Variants in GPC5 observed in about 807,000 individuals in gnomAD.
GPC5 encodes the protein glypican 5, also known as glypican-5.
A neutral mutation model predicts 53.9 loss-of-function variants in GPC5; 47 were observed. The observed-to-expected ratio is 0.87, with a 90% confidence interval of 0.69 to 1.11. The LOEUF (loss-of-function observed/expected upper bound fraction) is 1.11. Ranked by LOEUF, GPC5 falls within the 50% of genes most tolerant of loss-of-function variation. The pLI is 0.00. For missense variants in GPC5, 748 were observed against 713.1 expected, an observed-to-expected ratio of 1.05 and a Z score of -0.56; for synonymous variants, 286 against 263.3, an observed-to-expected ratio of 1.09 and a Z score of -0.84.
intron 7 of GPC5, among the ~76,000 whole-genome samples, chr13:92,259,192 C>T (rs1346959919): frequency 6.6e-6 from 1 of 152,140 alleles, no homozygotes; most frequent in East Asian, 1.9e-4. Flanking sequence ...GAACCATTTA[C>T]ACTTGTCACT....
intron 2 of GPC5, among the ~76,000 whole-genome samples, chr13:91,666,862 C>A: frequency 6.6e-6 from 1 of 151,884 alleles, no homozygotes. Context: ...ATTCCACAGC[C>A]TTTTGGAATT....
intron 7 of GPC5, among the ~76,000 whole-genome samples, chr13:92,805,852 T>C (rs190016953): frequency 6.6e-6 from 1 of 152,204 alleles, no homozygotes; most frequent in Admixed American, 6.6e-5. Context: ...TATAAAGCAC[T>C]GGCAGAGTAA....
rs375617282 is a variant in GPC5 at position 92,512,204 on chromosome 13, C to T, written c.1562-354078C>T. Among the ~76,000 whole-genome samples, 49 of 151,748 alleles carry T rather than the reference C, an allele frequency of 3.2e-4. 1 individual carries two copies. In the South Asian group the frequency reaches 9.2e-3, roughly 28 times the overall value. ...CCCTGGCAACACTTAATGATTGATCCTAGTAATTTTTTTTTATTTTGTAGA... is the reference window on the plus strand; with the variant it reads ...CCCTGGCAACACTTAATGATTGATCTTAGTAATTTTTTTTTATTTTGTAGA... On this transcript the variant is annotated intron_variant, in intron 7 of 7. Transcript: ENST00000377067.
At chr13:91,622,878 G>C (rs2033899361) in intron 2 of GPC5, among the ~76,000 whole-genome samples, 1 of 152,098 alleles carries the variant, frequency 6.6e-6, no homozygotes, top group Admixed American at 6.6e-5. Flanking sequence ...ATAGAATAAA[G>C]GTATTGCAGA....
In GPC5 at chr13:92,736,807, A is replaced by ATT. The variant is rs11425108; in HGVS notation, c.1562-129466_1562-129465dup. 2.5e-3 allele frequency among the ~76,000 whole-genome samples: 370 copies of ATT among 148,938 alleles called. 1 individual carries two copies. Among genetic ancestry groups the ATT allele is most frequent in the East Asian group, 0.012 (60 of 5,042 alleles). On this transcript the variant is annotated intron_variant, in intron 7 of 7. Transcript: ENST00000377067. ...ATGTTCAGAACTATAGCTGTAGCCT[A>ATT]TTTTTTTTTTAAAGGAGCTTATTAT...
intron 6 of GPC5, among the ~76,000 whole-genome samples, chr13:92,084,763 G>A (rs564522065): frequency 2.0e-5 from 3 of 152,124 alleles, no homozygotes; most frequent in South Asian, 4.2e-4. Context: ...AATATCTTTG[G>A]TACAAGATAA....
chr13:91,525,202 C>T (rs940149568), intron 2 of GPC5, among the ~76,000 whole-genome samples: 1 of 151,834 alleles, frequency 6.6e-6, no homozygotes, highest in Non-Finnish European at 1.5e-5. Context: ...CTTACTTTTC[C>T]CCCCAAGAAA....
chr13:92,184,635 T>C (rs1235402208), intron 7 of GPC5, among the ~76,000 whole-genome samples: 1 of 152,236 alleles, frequency 6.6e-6, no homozygotes, highest in Non-Finnish European at 1.5e-5. Flanking sequence ...AACCTGAAGA[T>C]ACTTTTTTGT....
At chr13:91,731,519 A>C (rs1248589293) in intron 4 of GPC5, among the ~76,000 whole-genome samples, 1 of 151,358 alleles carries the variant, frequency 6.6e-6, no homozygotes, top group Non-Finnish European at 1.5e-5. Flanking sequence ...CTTTTCCTTT[A>C]TTTTATTTTC....
At chr13:91,600,549 A>G (rs1282332178) in intron 2 of GPC5, among the ~76,000 whole-genome samples, 4 of 152,148 alleles carry the variant, frequency 2.6e-5, no homozygotes, top group Non-Finnish European at 4.4e-5. Flanking sequence ...AAATCTGGAA[A>G]AAATAAAAAT....
At chr13:92,009,065 C>T (rs1428056308) in intron 6 of GPC5, among the ~76,000 whole-genome samples, 1 of 151,914 alleles carries the variant, frequency 6.6e-6, no homozygotes, top group Non-Finnish European at 1.5e-5. Flanking sequence ...TTTATGTTTT[C>T]CTTTAAATAC....
intron 6 of GPC5, among the ~76,000 whole-genome samples, chr13:91,943,259 A>AAC (rs914754026): frequency 6.6e-6 from 1 of 152,194 alleles, no homozygotes; most frequent in Admixed American, 6.5e-5. Context: ...AAAATGCCTC[A>AAC]ACAGATTATG....
intron 7 of GPC5, among the ~76,000 whole-genome samples, chr13:92,678,720 G>A (rs1887025029): frequency 6.6e-6 from 1 of 152,170 alleles, no homozygotes; most frequent in South Asian, 2.1e-4. Flanking sequence ...GAAGGCAATA[G>A]AGGCTGATAT....
chr13:92,861,530 T>C (rs1879183078), intron 7 of GPC5, among the ~76,000 whole-genome samples: 1 of 152,140 alleles, frequency 6.6e-6, no homozygotes. Context: ...TAAATATCCA[T>C]TTCTGTTCTT....
At chr13:92,759,791 C>A (rs756022432) in intron 7 of GPC5, among the ~76,000 whole-genome samples, 7 of 151,870 alleles carry the variant, frequency 4.6e-5, no homozygotes, top group Non-Finnish European at 1.0e-4. Flanking sequence ...ATGCATTGTA[C>A]CAGATCTTAG....
At chr13:92,331,351 C>T (rs2043286691) in intron 7 of GPC5, among the ~76,000 whole-genome samples, 1 of 152,098 alleles carries the variant, frequency 6.6e-6, no homozygotes, top group African/African-American at 2.4e-5. Context: ...AAGCTATTTC[C>T]TCTCATCTGG....
At chr13:92,212,450 T>C (rs1179429938) in intron 7 of GPC5, among the ~76,000 whole-genome samples, 1 of 152,180 alleles carries the variant, frequency 6.6e-6, no homozygotes, top group Non-Finnish European at 1.5e-5. Context: ...GCAAAATTCA[T>C]GAGCAGCTTT....
intron 2 of GPC5, among the ~76,000 whole-genome samples, chr13:91,472,803 A>C (rs140867767): frequency 6.6e-6 from 1 of 152,320 alleles, no homozygotes; most frequent in Admixed American, 6.5e-5. Context: ...CAAAATGAAG[A>C]GCTGGGAGAG....
intron 7 of GPC5, among the ~76,000 whole-genome samples, chr13:92,706,778 A>ATACT (rs1353620340): frequency 3.3e-5 from 5 of 152,298 alleles, no homozygotes; most frequent in Admixed American, 3.3e-4. Flanking sequence ...TGAACTGTAC[A>ATACT]TACTTAAAGT....
Sources: gnomAD v4.1 joint callset for allele counts (sites outside exome capture counted in the v4.1 genomes callset) on GRCh38, gnomAD v4.1.1 for gene constraint, MANE v1.5 for transcripts, NCBI Gene and HGNC (gene_info 2026-07-23, HGNC 2026-07-21) for gene names.